Variants in TNRC18 observed in about 807,000 individuals in gnomAD.
TNRC18 encodes trinucleotide repeat containing 18, also known as trinucleotide repeat-containing gene 18 protein.
In TNRC18, 69 loss-of-function variants were observed where a neutral mutation model predicts 226.7. The observed-to-expected ratio is 0.30, with a 90% confidence interval of 0.25 to 0.37. The LOEUF (loss-of-function observed/expected upper bound fraction) is 0.37. Among genes scored for constraint, TNRC18 ranks in the 10% least tolerant of loss-of-function variants. The pLI is 1.00. For synonymous variants in TNRC18, 2,449 were observed against 1,927.6 expected, an observed-to-expected ratio of 1.27 and a Z score of -7.09; for missense variants, 4,754 against 4,256.6, an observed-to-expected ratio of 1.12 and a Z score of -3.25.
rs568595340 is a variant in TNRC18 at position 5,374,539 on chromosome 7, C to T, written c.2800-55G>A. 981 of 1,499,354 alleles carry T rather than the reference C, an allele frequency of 6.5e-4. 6 individuals carry two copies. Among genetic ancestry groups the T allele is most frequent in the South Asian group, 5.8e-3 (462 of 80,072 alleles). 92.9% of individuals were successfully genotyped at this position (1,499,354 alleles called of 1,614,324 possible). On this transcript the variant is annotated intron_variant, in intron 9 of 29. Transcript: ENST00000430969. ...ACGGCACGAGTTTCCCCCTCCCCGA[C>T]GCCCGCACCTGCCCTGTCCCCCCAA...
In TNRC18 at chr7:5,377,532, C is replaced by T; in HGVS notation, c.2300G>A (p.Ser767Asn). The change falls in exon 7 of 30, where the codon AGC becomes AAC. Residue 767 changes from serine to asparagine, a missense_variant. Transcript: ENST00000430969. The surrounding 1 kb of genome is among the most constrained non-coding windows in gnomAD (Gnocchi z 5.8). ...GGGGTTCAGGCCGTTAGGAGCACAG[C>T]TGGTAGGGTGCAGGCGGGCCAGGTC... Reference protein sequence around the residue: ...LADLARLHPTSCAPNGLNPNL... With the variant: ...LADLARLHPTNCAPNGLNPNL... 1 of 1,591,370 alleles carries T rather than the reference C, an allele frequency of 6.3e-7. No homozygotes were observed. Among genetic ancestry groups the T allele is most frequent in the Non-Finnish European group, 8.6e-7 (1 of 1,169,478 alleles).
At chr7:5,402,579 C>T (rs1023019660) in intron 2 of TNRC18, among the ~76,000 whole-genome samples, 10 of 151,754 alleles carry the variant, frequency 6.6e-5, no homozygotes, top group African/African-American at 2.4e-4. Context: ...TGCGGCTGGG[C>T]GCAGTGGCTC....
intron 17 of TNRC18, 32 bp from the exon 18 acceptor site, chr7:5,345,842 G>A: frequency 2.0e-6 from 3 of 1,520,198 alleles, no homozygotes; most frequent in Admixed American, 4.0e-5. Flanking sequence ...CCGAGTCAGA[G>A]CCTTGGCCTT....
At chr7:5,319,649 C>T (rs1230861612) in intron 24 of TNRC18, among the ~76,000 whole-genome samples, 2 of 152,182 alleles carry the variant, frequency 1.3e-5, no homozygotes, top group African/African-American at 4.8e-5. Context: ...GCTGGGATTA[C>T]AGGCACCTGC....
At chr7:5,361,050 C>G (rs1438010027) in intron 14 of TNRC18, among the ~76,000 whole-genome samples, 1 of 152,202 alleles carries the variant, frequency 6.6e-6, no homozygotes, top group Admixed American at 6.5e-5. Context: ...CACGCCTCGC[C>G]CTGCGGGAAA....
At chr7:5,333,466 G>A (rs971775015) in intron 18 of TNRC18, among the ~76,000 whole-genome samples, 14 of 152,206 alleles carry the variant, frequency 9.2e-5, no homozygotes, top group Middle Eastern at 3.2e-3. Flanking sequence ...TCTCTCCCCC[G>A]TTCTTGGTGC....
Position 5,359,398 on chromosome 7 carries a change from C to G in TNRC18, c.4833G>C (p.Gln1611His). Residue 1611 changes from glutamine to histidine, a missense_variant and splice_region_variant, in exon 15 of 30, where the codon CAG becomes CAC. Coordinates refer to ENST00000430969, the MANE Select transcript of TNRC18 (RefSeq NM_001080495.3). ...EHEASSDFIS[Q>H]LKIKKKKMAS... is the part of the protein sequence containing the mutation. The stretch of plus-strand genomic sequence containing the variant: ...ACACCTGGAAGACTGGGTTACTCAC[C>G]TGACTGATGAAGTCCGACGAGGCCT... The G allele has an allele frequency of 1.2e-6, 2 of 1,614,028 alleles. No individual in the cohort carries two copies. The highest frequency in any genetic ancestry group is 1.1e-5 in the South Asian group (1 of 91,084).
rs537977446 is a variant in TNRC18 at position 5,418,742 on chromosome 7, T to C, written c.187+2318A>G. ...GGGAGGTGCGTCAGAAGGGAAAATGTAGCACCTGCACCCCACAAAGAAAAC... is the reference window on the plus strand; with the variant it reads ...GGGAGGTGCGTCAGAAGGGAAAATGCAGCACCTGCACCCCACAAAGAAAAC... On this transcript the variant is annotated intron_variant, in intron 2 of 29. Transcript: ENST00000430969. Among the ~76,000 whole-genome samples, 4 of 152,318 alleles carry C rather than the reference T, an allele frequency of 2.6e-5. No homozygotes were observed. The East Asian group carries it at 7.7e-4, about 29-fold the overall frequency.
Position 5,382,432 on chromosome 7 carries a change from C to T in TNRC18, c.2153-4408G>A, listed in dbSNP as rs983218822. On this transcript the variant is annotated intron_variant, in intron 5 of 29. Transcript: ENST00000430969. ...CACTCACAGGTCACACGCCCCACAT[C>T]GCAGCCATTAGGAACCCAAGGCTCA... 1.7e-4 allele frequency among the ~76,000 whole-genome samples: 26 copies of T among 152,296 alleles called. 1 individual carries two copies. Among genetic ancestry groups the T allele is most frequent in the East Asian group, 7.7e-4 (4 of 5,176 alleles).
intron 4 of TNRC18, 125 bp from the exon 5 acceptor site, chr7:5,389,461 G>GTT: frequency 9.9e-5 from 56 of 564,088 alleles, no homozygotes; most frequent in Middle Eastern, 5.6e-4. Flanking sequence ...TTTGGTTTTG[G>GTT]TTTTTTTTTT....
chr7:5,421,018 C>T, intron 2 of TNRC18, 42 bp downstream of exon 2: 1 of 1,541,280 alleles, frequency 6.5e-7, no homozygotes, highest in Non-Finnish European at 8.8e-7. Flanking sequence ...GTGGATCTCC[C>T]TGGGAAGACA....
At position 5,374,275 on chromosome 7, in the gene TNRC18, G is replaced by T. The variant is rs1462356938; in HGVS notation, c.3009C>A (p.Ala1003=). 6.7e-7 allele frequency: 1 copy of T among 1,487,920 alleles called. No homozygotes were observed. The highest frequency in any genetic ancestry group is 8.9e-7 in the Non-Finnish European group (1 of 1,119,858). The allele number at this position is 1,487,920 out of a possible 1,614,324, so 92.2% of individuals were successfully genotyped here. ...GCTTCTGGATGACCTTGGCCTTCAG[G>T]GCAGCCACAGGGGATGCGCGGGGTG... ...PPSPRASPVA[A]LKAKVIQKLE... Residue 1003 remains alanine (A), a synonymous_variant, in exon 10 of 30, where the codon GCC becomes GCA. Transcript: ENST00000430969.
chr7:5,326,621 C>T (rs1244693036), intron 19 of TNRC18, among the ~76,000 whole-genome samples: 3 of 152,068 alleles, frequency 2.0e-5, no homozygotes, highest in Non-Finnish European at 2.9e-5. Context: ...AAAAAATCTA[C>T]ACTTTCTAAA....
chr7:5,320,669 C>T, intron 22 of TNRC18, 62 bp from the exon 23 acceptor site: 1 of 1,434,546 alleles, frequency 7.0e-7, no homozygotes, highest in African/African-American at 1.4e-5. Flanking sequence ...GGCCTCAATC[C>T]CACCAGCACA....
intron 18 of TNRC18, among the ~76,000 whole-genome samples, chr7:5,341,850 G>A (rs978502382): frequency 3.3e-5 from 5 of 151,236 alleles, no homozygotes; most frequent in Non-Finnish European, 7.4e-5. Flanking sequence ...TTTTAAGCCT[G>A]CTGTTGAGAC....
At chr7:5,389,465 T>TTTTG (rs1562602210) in intron 4 of TNRC18, 129 bp from the exon 5 acceptor site, 1 of 1,093,764 alleles carries the variant, frequency 9.1e-7, no homozygotes, top group Non-Finnish European at 1.1e-6. Flanking sequence ...GTTTTGGTTT[T>TTTTG]TTTTTTCAGA....
chr7:5,377,664 C>A lies in TNRC18; in HGVS notation c.2256-88G>T. On this transcript the variant is annotated intron_variant, in intron 6 of 29. Transcript: ENST00000430969. This position sits in a 1 kb window ranked among gnomAD's most constrained non-coding sequence, Gnocchi z 5.8. The stretch of plus-strand genomic sequence containing the variant: ...CGGGGTTGCCCCAAGGAACTGTTTG[C>A]CACCAGGCCATGAGTCAGGACAACC... 7.3e-7 allele frequency: 1 copy of A among 1,373,090 alleles called. No individual in the cohort carries two copies. Among genetic ancestry groups the A allele is most frequent in the Non-Finnish European group, 1.0e-6 (1 of 1,003,318 alleles). 85.1% of individuals were successfully genotyped at this position (1,373,090 alleles called of 1,614,324 possible).
chr7:5,420,228 G>A, intron 2 of TNRC18: 1 of 357,546 alleles, frequency 2.8e-6, no homozygotes, highest in South Asian at 2.0e-5. Flanking sequence ...AAATGGTGGA[G>A]GCCGCGGGAC....
At chr7:5,413,394 T>C (rs911277286) in intron 2 of TNRC18, among the ~76,000 whole-genome samples, 1 of 152,010 alleles carries the variant, frequency 6.6e-6, no homozygotes, top group Non-Finnish European at 1.5e-5. Flanking sequence ...TCCCCATCCG[T>C]CTTACCTGCC....
Sources: gnomAD v4.1 joint callset for allele counts (sites outside exome capture counted in the v4.1 genomes callset) on GRCh38, gnomAD v4.1.1 for gene constraint, Gnocchi (gnomAD v3.1) non-coding constraint, MANE v1.5 for transcripts, NCBI Gene and HGNC (gene_info 2026-07-23, HGNC 2026-07-21) for gene names.